The following ZNF521 variants were observed in gnomAD, a reference collection of about 807,000 sequenced individuals.
ZNF521 encodes zinc finger protein 521.
Under a neutral mutation model 105.5 loss-of-function variants are expected in ZNF521, and 14 were observed. The ratio of observed to expected loss-of-function variants is 0.13; its 90% CI spans 0.09 to 0.21. The LOEUF (loss-of-function observed/expected upper bound fraction) is 0.21, where lower values mean the gene tolerates loss of function less well. Among genes scored for constraint, ZNF521 ranks in the 10% least tolerant of loss-of-function variants. The pLI is 1.00. For synonymous variants in ZNF521, 635 were observed against 606.0 expected (o/e 1.05, Z -0.70); for missense variants, 1,233 against 1,629.7 (o/e 0.76, Z 4.19).
intron 4 of ZNF521, among the ~76,000 whole-genome samples, chr18:25,207,881 A>G (rs1262060963): frequency 1.3e-5 from 2 of 152,192 alleles, no homozygotes; most frequent in African/African-American, 4.8e-5. Flanking sequence ...CCAAATAAAA[A>G]AAGTCTAAGA....
At chr18:25,170,964 G>A (rs1173705921) in intron 5 of ZNF521, among the ~76,000 whole-genome samples, 3 of 152,076 alleles carry the variant, frequency 2.0e-5, no homozygotes, top group Non-Finnish European at 2.9e-5. Flanking sequence ...TCAGTGTTAA[G>A]AAAATATAGT....
intron 7 of ZNF521, among the ~76,000 whole-genome samples, chr18:25,075,101 T>C (rs556704086): frequency 7.9e-5 from 12 of 152,186 alleles, no homozygotes; most frequent in Non-Finnish European, 1.5e-4. Context: ...AGGTGAGCCG[T>C]AAACAAGAAC....
intron 3 of ZNF521, chr18:25,273,346 A>G (rs928445973): frequency 6.6e-6 from 1 of 150,842 alleles, no homozygotes; most frequent in Non-Finnish European, 1.5e-5. Flanking sequence ...GGCTAGCCCT[A>G]CTGGATAGCT....
chr18:25,117,812 G>A (rs1210170108), intron 5 of ZNF521, among the ~76,000 whole-genome samples: 1 of 151,808 alleles, frequency 6.6e-6, no homozygotes, highest in Admixed American at 6.6e-5. Context: ...AAGAAAACGG[G>A]AAAAAATAAT....
chr18:25,316,933 C>T (rs1912665228), intron 3 of ZNF521, among the ~76,000 whole-genome samples: 1 of 150,700 alleles, frequency 6.6e-6, no homozygotes, highest in Admixed American at 6.7e-5. Flanking sequence ...CAGCTCACTG[C>T]AACCTCCGCC....
intron 5 of ZNF521, among the ~76,000 whole-genome samples, chr18:25,111,768 C>G (rs2034194812): frequency 6.6e-6 from 1 of 152,256 alleles, no homozygotes; most frequent in African/African-American, 2.4e-5. Flanking sequence ...AATTCCCTGC[C>G]TCTAAGAAGA....
chr18:25,166,235 T>C (rs2035339077), intron 5 of ZNF521, among the ~76,000 whole-genome samples: 1 of 152,234 alleles, frequency 6.6e-6, no homozygotes, highest in Admixed American at 6.5e-5. Context: ...CAGATTTTTC[T>C]ACAAATCAAA....
At chr18:25,205,662 G>A (rs1246630467) in intron 4 of ZNF521, among the ~76,000 whole-genome samples, 2 of 152,100 alleles carry the variant, frequency 1.3e-5, no homozygotes, top group East Asian at 1.9e-4. Flanking sequence ...ATCCAGAAGA[G>A]TGGTAGTATA....
At chr18:25,234,201 T>C (rs1906724649) in intron 3 of ZNF521, among the ~76,000 whole-genome samples, 1 of 152,224 alleles carries the variant, frequency 6.6e-6, no homozygotes, top group South Asian at 2.1e-4. Context: ...TGGCGTTCAA[T>C]AATTGGCAAC....
chr18:25,099,605 C>A (rs2033924751), intron 5 of ZNF521, among the ~76,000 whole-genome samples: 1 of 152,126 alleles, frequency 6.6e-6, no homozygotes, highest in Non-Finnish European at 1.5e-5. Flanking sequence ...ATAGAGAAGT[C>A]TCTATACCGT....
At chr18:25,236,230 G>A (rs1409688383) in intron 3 of ZNF521, among the ~76,000 whole-genome samples, 8 of 152,112 alleles carry the variant, frequency 5.3e-5, no homozygotes, top group Admixed American at 5.2e-4. Context: ...TGCTACAGTG[G>A]TATTAAGGAA....
chr18:25,273,753 G>C (rs1390265030), intron 3 of ZNF521, among the ~76,000 whole-genome samples: 1 of 152,094 alleles, frequency 6.6e-6, no homozygotes, highest in African/African-American at 2.4e-5. Flanking sequence ...AAATTAGCTA[G>C]GAGTGGTTGT....
At chr18:25,278,705 C>T (rs1242378263) in intron 3 of ZNF521, among the ~76,000 whole-genome samples, 1 of 151,890 alleles carries the variant, frequency 6.6e-6, no homozygotes, top group Non-Finnish European at 1.5e-5. Flanking sequence ...AAAGTGAAAG[C>T]AGTCAGCTTG....
chr18:25,312,035 A>C (rs1388095542), intron 3 of ZNF521, among the ~76,000 whole-genome samples: 1 of 152,176 alleles, frequency 6.6e-6, no homozygotes, highest in Non-Finnish European at 1.5e-5. Context: ...ACATCCTTCA[A>C]GAACTTTTCA....
intron 5 of ZNF521, among the ~76,000 whole-genome samples, chr18:25,104,307 C>T (rs1338638959): frequency 6.6e-6 from 1 of 152,132 alleles, no homozygotes; most frequent in Admixed American, 6.5e-5. Flanking sequence ...GACATAATCT[C>T]ACTAAAATAT....
chr18:25,212,338 T>G (rs558710020), intron 4 of ZNF521, among the ~76,000 whole-genome samples: 1 of 150,408 alleles, frequency 6.6e-6, no homozygotes, highest in Admixed American at 6.6e-5. Context: ...AGTGAAACCC[T>G]GTCTCTACTA....
At chr18:25,218,811 G>A (rs1023735809) in intron 4 of ZNF521, among the ~76,000 whole-genome samples, 2 of 151,994 alleles carry the variant, frequency 1.3e-5, no homozygotes, top group Non-Finnish European at 2.9e-5. Flanking sequence ...TCACGCCATT[G>A]CACTCCAGCC....
chr18:25,094,193 G>C (rs1030828148), intron 5 of ZNF521, among the ~76,000 whole-genome samples: 1 of 152,124 alleles, frequency 6.6e-6, no homozygotes, highest in Non-Finnish European at 1.5e-5. Context: ...ACTGTCACAT[G>C]AGCATAAAGT....
intron 5 of ZNF521, among the ~76,000 whole-genome samples, chr18:25,142,492 C>T (rs533025888): frequency 7.2e-5 from 11 of 152,230 alleles, no homozygotes; most frequent in East Asian, 5.8e-4. Context: ...AATTAACACA[C>T]GACCTAATTC....
Sources: gnomAD v4.1 joint callset for allele counts (sites outside exome capture counted in the v4.1 genomes callset) on GRCh38, gnomAD v4.1.1 for gene constraint, MANE v1.5 for transcripts, NCBI Gene and HGNC (gene_info 2026-07-23, HGNC 2026-07-21) for gene names.